SEC14L5: variants seen among roughly 807,000 people sequenced by gnomAD.
SEC14L5 encodes SEC14-like protein 5.
Under a neutral mutation model 84.6 loss-of-function variants are expected in SEC14L5, and 96 were observed. That is an observed-to-expected ratio of 1.13 (90% CI 0.96 to 1.34). SEC14L5 has a LOEUF of 1.34. SEC14L5 is among the 40% of genes most tolerant of loss of function. The pLI is 0.00. For missense variants in SEC14L5, 1,224 were observed against 942.5 expected (o/e 1.30, Z -3.91); for synonymous variants, 546 against 383.4 (o/e 1.42, Z -4.95).
In SEC14L5 at chr16:4,993,623, C is replaced by T. The variant is rs74005460; in HGVS notation, c.667+1593C>T. On this transcript the variant is annotated intron_variant, in intron 6 of 15. Transcript: ENST00000251170. Reference sequence around the variant, plus strand: ...TAGGTCGTTTCAGTTTTTAAAAATACAAACAACATGGTACATGTGAGTACT... The same window carrying T: ...TAGGTCGTTTCAGTTTTTAAAAATATAAACAACATGGTACATGTGAGTACT... Among the ~76,000 whole-genome samples, 372 of 152,292 alleles carry T rather than the reference C, an allele frequency of 2.4e-3. 2 individuals carry two copies. In the East Asian group the frequency reaches 0.03, roughly 12 times the overall value.
chr16:4,961,143 C>A (rs964010931), intron 2 of SEC14L5, among the ~76,000 whole-genome samples: 1 of 151,164 alleles, frequency 6.6e-6, no homozygotes, highest in Non-Finnish European at 1.5e-5. Flanking sequence ...CGTGGTGGCG[C>A]GCACCTGTAG....
intron 7 of SEC14L5, 150 bp downstream of exon 7, chr16:4,996,610 G>C (rs866051227): frequency 1.6e-6 from 1 of 624,498 alleles, no homozygotes; most frequent in African/African-American, 1.8e-5. Context: ...GTGAGACAAA[G>C]TCTCACTCTG....
chr16:4,963,598 G>T (rs1277741092), intron 2 of SEC14L5, among the ~76,000 whole-genome samples: 1 of 152,174 alleles, frequency 6.6e-6, no homozygotes, highest in East Asian at 1.9e-4. Context: ...CGCCCGCCTT[G>T]GCCTCCCAAA....
At chr16:4,960,470 T>G (rs990187076) in intron 2 of SEC14L5, 1 of 152,256 alleles carries the variant, frequency 6.6e-6, no homozygotes, top group Non-Finnish European at 1.5e-5. Flanking sequence ...TGTGTGCCTG[T>G]GTGTCCAGTC....
chr16:4,967,102 C>A (rs1955209694), intron 2 of SEC14L5, among the ~76,000 whole-genome samples: 1 of 152,212 alleles, frequency 6.6e-6, no homozygotes, highest in African/African-American at 2.4e-5. Context: ...CACAGAGCCA[C>A]AAACCGGGTG....
At chr16:4,994,452 T>G (rs1955586830) in intron 6 of SEC14L5, among the ~76,000 whole-genome samples, 1 of 152,166 alleles carries the variant, frequency 6.6e-6, no homozygotes, top group South Asian at 2.1e-4. Context: ...CAAACGATTC[T>G]CCTGCCTCAG....
chr16:4,991,663 G>A (rs1955554416), intron 5 of SEC14L5, among the ~76,000 whole-genome samples, 175 bp from the exon 6 acceptor site: 1 of 152,180 alleles, frequency 6.6e-6, no homozygotes, highest in Admixed American at 6.5e-5. Flanking sequence ...TGGAAATTAG[G>A]TGGGTGTTGG....
At chr16:4,969,703 A>G (rs1198658650) in intron 2 of SEC14L5, among the ~76,000 whole-genome samples, 3 of 151,966 alleles carry the variant, frequency 2.0e-5, no homozygotes, top group Non-Finnish European at 4.4e-5. Flanking sequence ...ACTTTTTGAA[A>G]TGCATTGTTA....
At chr16:5,007,331 C>T (rs762771061) in intron 12 of SEC14L5, 21 bp from the exon 13 acceptor site, 3 of 1,611,882 alleles carry the variant, frequency 1.9e-6, no homozygotes, top group East Asian at 2.2e-5. Flanking sequence ...TGACCTGCTG[C>T]CCTTTATCTC....
At chr16:5,011,970 T>C (rs1558560) in intron 15 of SEC14L5, among the ~76,000 whole-genome samples, 69,724 of 152,016 alleles carry the variant, frequency 0.46, 16,453 homozygotes, top group African/African-American at 0.57. Context: ...TGCTTCATGA[T>C]GGATCTGCAC....
chr16:4,977,006 G>T (rs945068118), intron 2 of SEC14L5, among the ~76,000 whole-genome samples: 1 of 152,216 alleles, frequency 6.6e-6, no homozygotes, highest in African/African-American at 2.4e-5. Flanking sequence ...AGGACCTTGG[G>T]AGGTATGAAA....
At chr16:5,009,038 A>C (rs748226242) in intron 14 of SEC14L5, among the ~76,000 whole-genome samples, 1 of 152,188 alleles carries the variant, frequency 6.6e-6, no homozygotes, top group Non-Finnish European at 1.5e-5. Context: ...TTATTGTCTC[A>C]CAGTTCAGGA....
chr16:4,991,953 C>T lies in SEC14L5; in HGVS notation c.590C>T (p.Pro197Leu), dbSNP rs202152916. The T allele has an allele frequency of 1.4e-4, 218 of 1,596,790 alleles. No individual in the cohort carries two copies. Among genetic ancestry groups the T allele is most frequent in the Non-Finnish European group, 1.8e-4 (206 of 1,175,476 alleles). Reference protein sequence around the residue: ...REEDARNQAGPRDPSSLEAHG... With the variant: ...REEDARNQAGLRDPSSLEAHG... ...GAGGATGCCCGCAACCAGGCTGGAC[C>T]GAGGGACCCCAGCTCCCTGGAGGCC... Residue 197 changes from proline to leucine, a missense_variant, in exon 6 of 16, where the codon CCG becomes CTG. By Grantham distance (98) the Pro-to-Leu change is moderately conservative. Transcript: ENST00000251170.
intron 14 of SEC14L5, among the ~76,000 whole-genome samples, chr16:5,008,980 C>T (rs919581339): frequency 1.3e-5 from 2 of 152,188 alleles, no homozygotes; most frequent in African/African-American, 4.8e-5. Context: ...TTTCTTGGGG[C>T]TGCAGTAATG....
chr16:4,962,165 C>CAAAAAA (rs540573784), intron 2 of SEC14L5, among the ~76,000 whole-genome samples: 4 of 72,542 alleles, frequency 5.5e-5, no homozygotes, highest in Admixed American at 1.7e-4. Context: ...GACTCTGTCT[C>CAAAAAA]AAAAAAAAAA....
chr16:5,010,122 C>T (rs1389771332), intron 14 of SEC14L5, among the ~76,000 whole-genome samples: 1 of 137,128 alleles, frequency 7.3e-6, no homozygotes, highest in Non-Finnish European at 1.5e-5. Flanking sequence ...GCAGGTGAAT[C>T]ATCTGAAGTC....
intron 10 of SEC14L5, among the ~76,000 whole-genome samples, chr16:5,001,879 C>T (rs1955681914): frequency 6.6e-6 from 1 of 151,904 alleles, no homozygotes; most frequent in Non-Finnish European, 1.5e-5. Flanking sequence ...CTCAAGCAGT[C>T]CTCCCACCTC....
At chr16:5,000,954 C>T in intron 10 of SEC14L5, 29 bp downstream of exon 10, 2 of 1,560,854 alleles carry the variant, frequency 1.3e-6, no homozygotes, top group Non-Finnish European at 1.7e-6. Context: ...CACAAATCCC[C>T]CCTAAACAGC....
At chr16:5,000,489 C>G (rs1170434090) in intron 8 of SEC14L5, among the ~76,000 whole-genome samples, 166 bp from the exon 9 acceptor site, 1 of 152,238 alleles carries the variant, frequency 6.6e-6, no homozygotes, top group Non-Finnish European at 1.5e-5. Flanking sequence ...TAAGGGGCGT[C>G]AGCCCCTCTT....
Sources: allele counts gnomAD v4.1 joint callset (sites outside exome capture counted in the v4.1 genomes callset), GRCh38; gene constraint gnomAD v4.1.1; transcripts MANE v1.5; gene names NCBI Gene and HGNC (gene_info 2026-07-23, HGNC 2026-07-21).